Variants in GOLGB1 observed in about 807,000 individuals in gnomAD.
The protein encoded by GOLGB1 is golgin B1.
Under a neutral mutation model 336.9 loss-of-function variants are expected in GOLGB1, and 174 were observed. The ratio of observed to expected loss-of-function variants is 0.52; its 90% CI spans 0.46 to 0.59. The LOEUF is 0.59. GOLGB1 is among the 20% of genes least tolerant of loss of function. The probability of loss-of-function intolerance (pLI) is 0.00; values close to 1 mark genes in which losing one functional copy is unlikely to be tolerated. For synonymous variants in GOLGB1, 1,208 were observed against 1,289.2 expected, an observed-to-expected ratio of 0.94 and a Z score of 1.35; for missense variants, 3,331 against 3,645.3, an observed-to-expected ratio of 0.91 and a Z score of 2.22.
intron 5 of GOLGB1, among the ~76,000 whole-genome samples, chr3:121,723,753 C>T (rs924540292): frequency 6.6e-5 from 10 of 152,072 alleles, no homozygotes; most frequent in East Asian, 3.9e-4. Flanking sequence ...CTCAGAAATC[C>T]GGCTCCCATA....
At chr3:121,741,636 G>A (rs2108397548) in intron 1 of GOLGB1, among the ~76,000 whole-genome samples, 1 of 152,262 alleles carries the variant, frequency 6.6e-6, no homozygotes, top group South Asian at 2.1e-4. Flanking sequence ...AGATACAGAT[G>A]TAATACAGAA....
intron 1 of GOLGB1, among the ~76,000 whole-genome samples, chr3:121,736,174 A>G (rs558428661): frequency 1.6e-4 from 24 of 152,234 alleles, no homozygotes; most frequent in Non-Finnish European, 3.1e-4. Context: ...CTTACAAAAG[A>G]ATTCCAAATA....
At chr3:121,684,437 T>C (rs1313306518) in intron 14 of GOLGB1, among the ~76,000 whole-genome samples, 3 of 152,008 alleles carry the variant, frequency 2.0e-5, no homozygotes, top group Non-Finnish European at 2.9e-5. Context: ...TAGTATGATT[T>C]CTTAGATTCA....
At chr3:121,716,195 T>C (rs1174750834) in intron 9 of GOLGB1, among the ~76,000 whole-genome samples, 1 of 152,210 alleles carries the variant, frequency 6.6e-6, no homozygotes, top group Non-Finnish European at 1.5e-5. Context: ...TTCTAAAATG[T>C]TCAATTTTTT....
intron 1 of GOLGB1, among the ~76,000 whole-genome samples, chr3:121,741,140 CAAAAT>C (rs1244694716): frequency 1.2e-4 from 18 of 152,116 alleles, no homozygotes; most frequent in African/African-American, 3.9e-4. Context: ...AAAACACAGA[CAAAAT>C]GTTATGAACG....
At position 121,718,864 on chromosome 3, in the gene GOLGB1, C is replaced by T. The variant is rs143990152; in HGVS notation, c.772-363G>A. Among the ~76,000 whole-genome samples the T allele has an allele frequency of 1.6e-3, 242 of 152,270 alleles. 4 individuals carry two copies. In the East Asian group the frequency reaches 0.039, roughly 25 times the overall value. ...TCTTACCCACCCAAGAGAACATTCT[C>T]TGCAGGCAAGAATCATTTCTCTTCT... On this transcript the variant is annotated intron_variant, in intron 7 of 21. Coordinates refer to ENST00000614479, the MANE Select transcript of GOLGB1 (RefSeq NM_001366282.2).
rs373428621 is a variant in GOLGB1 at position 121,696,241 on chromosome 3, T to C, written c.4282A>G (p.Thr1428Ala). ...GQLSEKEAAL[T>A]KIQTEIIEQE... ...TCTATTATCTCTGTCTGTATTTTAG[T>C]GAGAGCTGCTTCTTTCTCACTAAGT... The change falls in exon 13 of 22, where the codon ACT becomes GCT. Residue 1428 changes from threonine (T) to alanine (A), a missense_variant. By Grantham distance (58) the Thr-to-Ala change is moderately conservative. Coordinates refer to ENST00000614479, the MANE Select transcript of GOLGB1 (RefSeq NM_001366282.2). 79 of 1,614,004 alleles carry C rather than the reference T, an allele frequency of 4.9e-5. No individual in the cohort carries two copies. The highest frequency in any genetic ancestry group is 1.6e-4 in the Middle Eastern group (1 of 6,084).
Position 121,729,224 on chromosome 3 carries a change from C to G in GOLGB1, c.366G>C (p.Leu122=). ...EEMKAQGGTV[L]PTEPQSEEQL... The stretch of plus-strand genomic sequence containing the variant: ...GCTCCTCTGACTGAGGTTCTGTAGG[C>G]AGAACAGTCCCTCCTTGTGCTTTCA... Residue 122 remains leucine (L), a synonymous_variant, in exon 4 of 22, where the codon CTG becomes CTC. Transcript: ENST00000614479. 6.2e-7 allele frequency: 1 copy of G among 1,612,696 alleles called. No individual in the cohort carries two copies.
intron 1 of GOLGB1, among the ~76,000 whole-genome samples, chr3:121,741,808 T>C (rs139291403): frequency 1.4e-4 from 21 of 152,286 alleles, no homozygotes; most frequent in African/African-American, 3.8e-4. Flanking sequence ...TGAATATCTC[T>C]AGTGCCTAGA....
At chr3:121,671,465 G>A (rs1223624138) in intron 17 of GOLGB1, among the ~76,000 whole-genome samples, 2 of 152,064 alleles carry the variant, frequency 1.3e-5, no homozygotes, top group African/African-American at 4.8e-5. Context: ...CAGGGTATTT[G>A]CATATAACTT....
chr3:121,666,164 G>T (rs1253818013), intron 20 of GOLGB1, among the ~76,000 whole-genome samples: 1 of 152,174 alleles, frequency 6.6e-6, no homozygotes, highest in Non-Finnish European at 1.5e-5. Flanking sequence ...GAGGGCCACT[G>T]AGTTCCACCT....
intron 20 of GOLGB1, among the ~76,000 whole-genome samples, chr3:121,665,501 T>C (rs1323300216): frequency 6.6e-6 from 1 of 152,240 alleles, no homozygotes; most frequent in Admixed American, 6.5e-5. Flanking sequence ...TATTAAAGGC[T>C]AATAGGCAAA....
intron 1 of GOLGB1, among the ~76,000 whole-genome samples, chr3:121,745,817 C>A (rs1446451393): frequency 6.6e-6 from 1 of 152,168 alleles, no homozygotes; most frequent in African/African-American, 2.4e-5. Context: ...ACAAACCCTG[C>A]CACAGGACCT....
intron 5 of GOLGB1, among the ~76,000 whole-genome samples, chr3:121,725,496 T>C (rs894751886): frequency 2.0e-5 from 3 of 152,304 alleles, no homozygotes; most frequent in Admixed American, 6.5e-5. Context: ...TGTCCTACCA[T>C]TGTATCTTGG....
In GOLGB1 at chr3:121,692,518, C is replaced by A. The variant is rs375491880; in HGVS notation, c.6846G>T (p.Lys2282Asn). 2.5e-6 allele frequency: 4 copies of A among 1,611,544 alleles called. No individual in the cohort carries two copies. Residue 2282 changes from lysine to asparagine, a missense_variant, in exon 14 of 22, where the codon AAG (lysine) becomes AAT (asparagine). Coordinates refer to ENST00000614479, the MANE Select transcript of GOLGB1 (RefSeq NM_001366282.2). ...KAQTEVQLQQ[K>N]VCDTLQGENK... is the part of the protein sequence containing the mutation. ...TTTCCCCCTGTAGAGTATCACAGAC[C>A]TTCTGCTGAAGCTGGACCTCTGTCT...
chr3:121,718,237 C>T (rs1944922113), intron 8 of GOLGB1, 151 bp downstream of exon 8: 1 of 603,886 alleles, frequency 1.7e-6, no homozygotes. Context: ...ACTGCATCCC[C>T]ACCACTTAAG....
At chr3:121,722,204 G>C in intron 6 of GOLGB1, 58 bp downstream of exon 6, 5 of 917,120 alleles carry the variant, frequency 5.5e-6, no homozygotes, top group Non-Finnish European at 9.0e-6. Context: ...GAATTGACTT[G>C]TGCGTAATAA....
chr3:121,731,031 T>C (rs1470934940), intron 1 of GOLGB1, 58 bp from the exon 2 acceptor site: 3 of 1,522,254 alleles, frequency 2.0e-6, no homozygotes, highest in African/African-American at 2.8e-5. Flanking sequence ...CATAGGCTTC[T>C]CCTATATTGA....
intron 20 of GOLGB1, among the ~76,000 whole-genome samples, chr3:121,667,050 T>C (rs1938724891): frequency 1.3e-5 from 2 of 152,212 alleles, no homozygotes; most frequent in African/African-American, 2.4e-5. Flanking sequence ...TGCCAACAAA[T>C]AAAAAGCTAC....
Sources: gnomAD v4.1 joint callset for allele counts (sites outside exome capture counted in the v4.1 genomes callset) on GRCh38, gnomAD v4.1.1 for gene constraint, MANE v1.5 for transcripts, NCBI Gene and HGNC (gene_info 2026-07-23, HGNC 2026-07-21) for gene names.